ASXL1: variants seen among roughly 807,000 people sequenced by gnomAD.
ASXL1 encodes polycomb group protein ASXL1.
In ASXL1, 65 loss-of-function variants were observed where a neutral mutation model predicts 89.1. The observed-to-expected ratio is 0.73, with a 90% CI of 0.60 to 0.90. The LOEUF is 0.90. ASXL1 is among the 40% of genes least tolerant of loss of function. The pLI is 0.00. For missense variants in ASXL1, 1,786 were observed against 1,942.9 expected (o/e 0.92, Z 1.52); for synonymous variants, 739 against 746.9 (o/e 0.99, Z 0.17).
Position 32,431,806 on chromosome 20 carries a change from C to T in ASXL1, c.979+127C>T, listed in dbSNP as rs1415356678. The stretch of plus-strand genomic sequence containing the variant: ...TATTTAGTATAAGACAGGCTTTCCT[C>T]ATTACTAATAAATGTGGTGGGTATT... On this transcript the variant is annotated intron_variant, in intron 10 of 12. Transcript: ENST00000375687. 7.2e-6 allele frequency: 7 copies of T among 970,326 alleles called. No homozygotes were observed. In the Admixed American group the frequency reaches 1.4e-4, roughly 19 times the overall value. 60.1% of individuals were successfully genotyped at this position (970,326 alleles called of 1,614,324 possible).
At chr20:32,393,046 CAG>C (rs1423288631) in intron 4 of ASXL1, among the ~76,000 whole-genome samples, 3 of 66,190 alleles carry the variant, frequency 4.5e-5, no homozygotes, top group Middle Eastern at 0.012. Flanking sequence ...CAGTTATAGA[CAG>C]AGGGTGTTAA....
chr20:32,407,467 C>A (rs1268241048), intron 4 of ASXL1, among the ~76,000 whole-genome samples: 1 of 151,936 alleles, frequency 6.6e-6, no homozygotes, highest in East Asian at 1.9e-4. Flanking sequence ...CCTTTTATTT[C>A]TTTTCTTTTT....
intron 4 of ASXL1, among the ~76,000 whole-genome samples, chr20:32,376,113 C>G (rs964136364): frequency 2.6e-5 from 4 of 152,086 alleles, no homozygotes; most frequent in Admixed American, 6.6e-5. Context: ...CCAGGTTGTC[C>G]AAAGGATTCA....
chr20:32,420,118 TTAATG>T (rs1283467853), intron 4 of ASXL1, among the ~76,000 whole-genome samples: 2 of 152,260 alleles, frequency 1.3e-5, no homozygotes, highest in East Asian at 3.9e-4. Flanking sequence ...TCTTGGATCT[TTAATG>T]TAAATAATTA....
intron 4 of ASXL1, among the ~76,000 whole-genome samples, chr20:32,407,333 G>T (rs73243294): frequency 1.3e-5 from 2 of 151,784 alleles, no homozygotes; most frequent in Non-Finnish European, 2.9e-5. Context: ...AACAGAGCTA[G>T]ACTCCGTCTC....
At position 32,429,426 on chromosome 20, in the gene ASXL1, C is replaced by T. The variant is rs1468736888; in HGVS notation, c.560C>T (p.Ala187Val). Residue 187 changes from alanine (A) to valine (V), a missense_variant, in exon 7 of 13, where the codon GCA becomes GTA. Transcript: ENST00000375687. The surrounding 1 kb of genome is among the most constrained non-coding windows in gnomAD (Gnocchi z 4.9). ...GTAAACGGGGCCCACGTGGAATCTG[C>T]ATCAGGTATGTGTAAACTCATGGTT... is the stretch of plus-strand genomic sequence containing the variant. ...LKVNGAHVES[A>V]SGFSGCHADG... 3 of 1,613,634 alleles carry T rather than the reference C, an allele frequency of 1.9e-6. No individual in the cohort carries two copies. The highest frequency in any genetic ancestry group is 2.7e-5 in the African/African-American group (2 of 74,902).
intron 4 of ASXL1, among the ~76,000 whole-genome samples, chr20:32,411,817 C>A (rs1474327485): frequency 1.3e-5 from 2 of 152,194 alleles, no homozygotes; most frequent in African/African-American, 4.8e-5. Context: ...AGATCATAGG[C>A]ATGAGCCATT....
At chr20:32,378,171 T>C (rs2048421937) in intron 4 of ASXL1, among the ~76,000 whole-genome samples, 1 of 150,584 alleles carries the variant, frequency 6.6e-6, no homozygotes. Flanking sequence ...TGTGTGTGTG[T>C]GTGTGTGTGT....
At chr20:32,418,294 C>T (rs949634894) in intron 4 of ASXL1, among the ~76,000 whole-genome samples, 47 of 152,126 alleles carry the variant, frequency 3.1e-4, no homozygotes, top group African/African-American at 1.1e-3. Context: ...ATCACTTAAG[C>T]CTGGGAGGTC....
intron 4 of ASXL1, among the ~76,000 whole-genome samples, chr20:32,372,985 C>T (rs1331125006): frequency 6.6e-6 from 1 of 150,470 alleles, no homozygotes; most frequent in Non-Finnish European, 1.5e-5. Context: ...CTTTGTTGCC[C>T]AGGCTGGTCT....
At chr20:32,422,744 G>T (rs766884921) in intron 4 of ASXL1, among the ~76,000 whole-genome samples, 21 of 151,254 alleles carry the variant, frequency 1.4e-4, no homozygotes, top group Non-Finnish European at 2.1e-4. Flanking sequence ...GCACCACCAT[G>T]CCCGGCTAAT....
intron 4 of ASXL1, among the ~76,000 whole-genome samples, chr20:32,402,846 A>G (rs1044160837): frequency 2.6e-5 from 4 of 152,224 alleles, no homozygotes; most frequent in Admixed American, 6.5e-5. Context: ...TTTGTTGGAT[A>G]CGTGATTTGC....
intron 12 of ASXL1, chr20:32,434,219 T>C (rs2011640496): frequency 5.6e-6 from 4 of 714,862 alleles, no homozygotes; most frequent in African/African-American, 3.6e-5. Context: ...AGAAATTAAA[T>C]TTAGAAGTGT....
At chr20:32,381,773 C>G (rs1030997769) in intron 4 of ASXL1, among the ~76,000 whole-genome samples, 1 of 152,118 alleles carries the variant, frequency 6.6e-6, no homozygotes, top group Admixed American at 6.5e-5. Context: ...CTCGGCCTCC[C>G]AAAGTGCTGG....
In ASXL1 at chr20:32,435,652, T is replaced by C; in HGVS notation, c.2940T>C (p.Ile980=). 1 of 1,614,104 alleles carries C rather than the reference T, an allele frequency of 6.2e-7. No homozygotes were observed. The highest frequency in any genetic ancestry group is 1.1e-5 in the South Asian group (1 of 91,074). ...SNGSYCQQVD[I]EKLKINGDSE... ...GCAGTTACTGTCAACAGGTGGACAT[T>C]GAAAAGCTGAAAATCAACGGAGACT... is the stretch of plus-strand genomic sequence containing the variant. The change falls in exon 13 of 13, where the codon ATT becomes ATC. Residue 980 remains isoleucine, a synonymous_variant. Transcript: ENST00000375687.
intron 4 of ASXL1, among the ~76,000 whole-genome samples, chr20:32,423,564 T>G (rs2011196582): frequency 6.6e-6 from 1 of 150,660 alleles, no homozygotes; most frequent in South Asian, 2.1e-4. Context: ...TTTATTTATG[T>G]ATTTGAGATG....
At chr20:32,421,866 C>CTTTTTTTT (rs71299232) in intron 4 of ASXL1, among the ~76,000 whole-genome samples, 1 of 105,254 alleles carries the variant, frequency 9.5e-6, no homozygotes, top group South Asian at 3.4e-4. Flanking sequence ...GGTTTCTTTT[C>CTTTTTTTT]TTTTTTTTTT....
At position 32,435,374 on chromosome 20, in the gene ASXL1, A is replaced by G. The variant is rs1317256185; in HGVS notation, c.2662A>G (p.Lys888Glu). Residue 888 changes from lysine (K) to glutamate (E), a missense_variant, in exon 13 of 13, where the codon AAG (lysine) becomes GAG (glutamate). This residue lies in a region of ASXL1 where 1,418 missense variants were observed against 1,427.8 expected (regional missense o/e 0.99). Coordinates refer to ENST00000375687, the MANE Select transcript of ASXL1 (RefSeq NM_015338.6). ...TACTAGACAAGAAAACTTGAAAACC[A>G]AGGCTCTCGTTTCTAACAGTTCTTT... ...SDTRQENLKT[K>E]ALVSNSSLHW... is the part of the protein sequence containing the mutation. The G allele has an allele frequency of 6.2e-7, 1 of 1,614,180 alleles. No homozygotes were observed. The highest frequency in any genetic ancestry group is 1.7e-5 in the Admixed American group (1 of 60,028).
intron 4 of ASXL1, among the ~76,000 whole-genome samples, chr20:32,413,009 T>C (rs1352088421): frequency 6.6e-6 from 1 of 152,196 alleles, no homozygotes; most frequent in African/African-American, 2.4e-5. Flanking sequence ...ATCTAAATGC[T>C]GGTGGTACAT....
Sources: gnomAD v4.1 joint callset for allele counts (sites outside exome capture counted in the v4.1 genomes callset) on GRCh38, gnomAD v4.1.1 for gene constraint, gnomAD v4.1.1 regional missense constraint, Gnocchi (gnomAD v3.1) non-coding constraint, MANE v1.5 for transcripts, NCBI Gene and HGNC (gene_info 2026-07-23, HGNC 2026-07-21) for gene names.